RSPO2: variants seen among roughly 807,000 people sequenced by gnomAD.
The protein encoded by RSPO2 is R-spondin-2.
RSPO2 carries 14 observed loss-of-function variants against 30.9 expected under a neutral mutation model. That is an observed-to-expected ratio of 0.45 (90% CI 0.30 to 0.71). The LOEUF is 0.71. RSPO2 is among the 30% of genes least tolerant of loss of function. The pLI, the probability that RSPO2 is intolerant of heterozygous loss-of-function variation, is 0.08. For missense variants in RSPO2, 264 were observed against 301.9 expected (o/e 0.87, Z 0.93); for synonymous variants, 107 against 96.4 (o/e 1.11, Z -0.64).
At chr8:108,083,083 G>A (rs966166216) in intron 1 of RSPO2, 114 bp downstream of exon 1, 1 of 163,662 alleles carries the variant, frequency 6.1e-6, no homozygotes, top group African/African-American at 2.4e-5. Flanking sequence ...GGAAAGGAAA[G>A]AACTCTAAAG....
chr8:108,060,105 G>A (rs116698937), intron 2 of RSPO2, among the ~76,000 whole-genome samples: 4,548 of 151,766 alleles, frequency 0.03, 277 homozygotes, highest in African/African-American at 0.099. Flanking sequence ...CAGCATGGTC[G>A]GAGCAGAAGA....
chr8:108,031,620 C>T (rs1340734224), intron 2 of RSPO2, among the ~76,000 whole-genome samples: 1 of 152,156 alleles, frequency 6.6e-6, no homozygotes, highest in African/African-American at 2.4e-5. Flanking sequence ...ATACACTGAA[C>T]ATTTAATATC....
At chr8:107,949,851 C>A (rs980746865) in intron 5 of RSPO2, among the ~76,000 whole-genome samples, 1 of 152,130 alleles carries the variant, frequency 6.6e-6, no homozygotes, top group African/African-American at 2.4e-5. Context: ...TGCACTTGTA[C>A]CCTTTAAATT....
intron 5 of RSPO2, among the ~76,000 whole-genome samples, chr8:107,914,267 AG>A (rs1483075005): frequency 1.3e-5 from 2 of 152,130 alleles, no homozygotes; most frequent in African/African-American, 4.8e-5. Flanking sequence ...AACAGTGAAC[AG>A]GAACAGTAAA....
intron 2 of RSPO2, among the ~76,000 whole-genome samples, chr8:108,078,533 A>T (rs905385380): frequency 2.0e-5 from 3 of 152,262 alleles, no homozygotes; most frequent in Non-Finnish European, 2.9e-5. Context: ...ATTTGTAAAA[A>T]AAAAATTCGA....
At chr8:107,921,822 T>G (rs967424077) in intron 5 of RSPO2, among the ~76,000 whole-genome samples, 1 of 152,104 alleles carries the variant, frequency 6.6e-6, no homozygotes, top group African/African-American at 2.4e-5. Flanking sequence ...ATACCAGTGA[T>G]TCATCACATA....
intron 2 of RSPO2, among the ~76,000 whole-genome samples, chr8:108,045,814 T>C (rs1018934164): frequency 6.6e-6 from 1 of 152,170 alleles, no homozygotes; most frequent in African/African-American, 2.4e-5. Context: ...AACAATTTGC[T>C]AACTGTTTAC....
intron 5 of RSPO2, among the ~76,000 whole-genome samples, chr8:107,908,812 A>C (rs1329312610): frequency 2.0e-5 from 3 of 152,230 alleles, no homozygotes; most frequent in Non-Finnish European, 2.9e-5. Flanking sequence ...TCAAATACTG[A>C]TTTAGAGAAA....
chr8:108,034,790 G>C (rs1435464674), intron 2 of RSPO2, among the ~76,000 whole-genome samples: 1 of 152,154 alleles, frequency 6.6e-6, no homozygotes, highest in Non-Finnish European at 1.5e-5. Flanking sequence ...GAAATGGCCA[G>C]TCTGTGAAGT....
chr8:107,955,278 TC>T (rs148216313), intron 5 of RSPO2, among the ~76,000 whole-genome samples: 8 of 151,694 alleles, frequency 5.3e-5, no homozygotes, highest in South Asian at 2.1e-4. Flanking sequence ...AGATCACCTA[TC>T]CCCCCCTAAA....
chr8:107,911,066 T>G (rs980452128), intron 5 of RSPO2, among the ~76,000 whole-genome samples: 11 of 152,152 alleles, frequency 7.2e-5, no homozygotes, highest in Admixed American at 7.2e-4. Context: ...AAAGCCATAC[T>G]TTGTCATCTA....
intron 2 of RSPO2, among the ~76,000 whole-genome samples, chr8:108,044,913 T>C (rs915107142): frequency 6.6e-6 from 1 of 152,166 alleles, no homozygotes; most frequent in African/African-American, 2.4e-5. Context: ...CCTTTCACCG[T>C]ATACAAAAGT....
chr8:108,042,713 A>G (rs1402935101), intron 2 of RSPO2, among the ~76,000 whole-genome samples: 1 of 152,162 alleles, frequency 6.6e-6, no homozygotes, highest in Non-Finnish European at 1.5e-5. Context: ...TAAGTGCAGT[A>G]TGGCTTTACG....
At chr8:108,042,317 T>C (rs1047050455) in intron 2 of RSPO2, among the ~76,000 whole-genome samples, 1 of 152,042 alleles carries the variant, frequency 6.6e-6, no homozygotes, top group African/African-American at 2.4e-5. Context: ...GAAGACAGCA[T>C]GAATGAATGC....
chr8:107,976,222 C>A (rs142910611), intron 3 of RSPO2, among the ~76,000 whole-genome samples: 3 of 152,254 alleles, frequency 2.0e-5, no homozygotes, highest in African/African-American at 7.2e-5. Flanking sequence ...TGATGTATTT[C>A]TTTTTTATGA....
chr8:107,971,163 C>T (rs766021713), intron 3 of RSPO2, among the ~76,000 whole-genome samples: 10 of 152,112 alleles, frequency 6.6e-5, no homozygotes, highest in Admixed American at 2.6e-4. Flanking sequence ...AATAATAGAA[C>T]GATGTTGCCT....
Position 108,057,281 on chromosome 8 carries a change from A to T in RSPO2, c.94+25264T>A, listed in dbSNP as rs138795404. Among the ~76,000 whole-genome samples, 720 of 152,136 alleles carry T rather than the reference A, an allele frequency of 4.7e-3. 9 individuals carry two copies. The highest frequency in any genetic ancestry group is 0.016 in the African/African-American group (662 of 41,506). ...TACTTATGACACAGGCACTTTCAAAACTTTATATTTATGTAGAAGGGAAAA... is the reference window on the plus strand; with the variant it reads ...TACTTATGACACAGGCACTTTCAAATCTTTATATTTATGTAGAAGGGAAAA... On this transcript the variant is annotated intron_variant, in intron 2 of 5. Transcript: ENST00000276659.
rs76496104 is a variant in RSPO2 at position 108,047,445 on chromosome 8, A to G, written c.94+35100T>C. Among the ~76,000 whole-genome samples, 503 of 152,348 alleles carry G rather than the reference A, an allele frequency of 3.3e-3. 7 individuals are homozygous for G. Among genetic ancestry groups the G allele is most frequent in the African/African-American group, 0.011 (474 of 41,586 alleles). On this transcript the variant is annotated intron_variant, in intron 2 of 5. Coordinates refer to ENST00000276659, the MANE Select transcript of RSPO2 (RefSeq NM_178565.5). ...CCATATATGCTCTTCAAAATACCTTAGGAAAATTATTTTTTAACAAAATTA... is the reference window on the plus strand; with the variant it reads ...CCATATATGCTCTTCAAAATACCTTGGGAAAATTATTTTTTAACAAAATTA...
chr8:107,917,410 A>T (rs1586540116), intron 5 of RSPO2, among the ~76,000 whole-genome samples: 1 of 152,126 alleles, frequency 6.6e-6, no homozygotes, highest in Non-Finnish European at 1.5e-5. Flanking sequence ...ACTTGAACCC[A>T]GGAGGTGGAG....
Sources: gnomAD v4.1 joint callset for allele counts (sites outside exome capture counted in the v4.1 genomes callset) on GRCh38, gnomAD v4.1.1 for gene constraint, MANE v1.5 for transcripts, NCBI Gene and HGNC (gene_info 2026-07-23, HGNC 2026-07-21) for gene names.